Variants in PDZD2 observed in about 807,000 individuals in gnomAD.
PDZD2 encodes the protein PDZ domain containing 2, also known as PDZ domain-containing protein 2.
A neutral mutation model predicts 220.7 loss-of-function variants in PDZD2; 90 were observed. That is an observed-to-expected ratio of 0.41 (90% CI 0.34 to 0.49). The LOEUF is 0.49. Ranked by LOEUF, PDZD2 falls within the 20% of genes least tolerant of loss-of-function variation. The pLI is 0.28. For synonymous variants in PDZD2, 1,375 were observed against 1,450.5 expected (o/e 0.95, Z 1.18); for missense variants, 3,174 against 3,608.5 (o/e 0.88, Z 3.08).
At chr5:32,009,101 T>G (rs995081603) in intron 5 of PDZD2, among the ~76,000 whole-genome samples, 3 of 151,886 alleles carry the variant, frequency 2.0e-5, no homozygotes, top group African/African-American at 7.3e-5. Flanking sequence ...TCTCAGCACT[T>G]TGGGAAGCCA....
chr5:31,671,470 C>A (rs549208753), intron 1 of PDZD2, among the ~76,000 whole-genome samples: 1 of 152,130 alleles, frequency 6.6e-6, no homozygotes, highest in Non-Finnish European at 1.5e-5. Flanking sequence ...TGGTCAGCAT[C>A]AGGACTGGGA....
At chr5:32,015,547 T>C (rs1490624145) in intron 6 of PDZD2, among the ~76,000 whole-genome samples, 1 of 152,204 alleles carries the variant, frequency 6.6e-6, no homozygotes, top group East Asian at 1.9e-4. Flanking sequence ...CCACCTCGCC[T>C]GGCCATGCAG....
At chr5:31,865,954 G>C (rs145284897) in intron 2 of PDZD2, among the ~76,000 whole-genome samples, 5,263 of 149,350 alleles carry the variant, frequency 0.035, 92 homozygotes, top group African/African-American at 0.052. Context: ...TAATCCCCTG[G>C]GTTTACCAGG....
In PDZD2 at chr5:32,089,847, T is replaced by C; in HGVS notation, c.6399T>C (p.Tyr2133=). The C allele has an allele frequency of 6.2e-7, 1 of 1,613,292 alleles. No homozygotes were observed. Among genetic ancestry groups the C allele is most frequent in the Non-Finnish European group, 8.5e-7 (1 of 1,179,426 alleles). The change falls in exon 20 of 25, where the codon TAT becomes TAC. Residue 2133 remains tyrosine, a synonymous_variant. Coordinates refer to ENST00000438447, the MANE Select transcript of PDZD2 (RefSeq NM_178140.4). ...AGGAGAAGAGTGAAATCAGGCTCTA[T>C]CGCCAGGTCGCAGAATCATCCACAA... is the stretch of plus-strand genomic sequence containing the variant. ...NCQEKSEIRL[Y]RQVAESSTSH...
At chr5:32,093,618 A>C (rs1743386012) in intron 21 of PDZD2, among the ~76,000 whole-genome samples, 1 of 152,232 alleles carries the variant, frequency 6.6e-6, no homozygotes. Flanking sequence ...AAGTTTTGTC[A>C]GTTATATGTA....
chr5:31,799,463 AC>A lies in PDZD2; in HGVS notation c.217del (p.Leu73SerfsTer13). 1 of 1,614,082 alleles carries A rather than the reference AC, an allele frequency of 6.2e-7. No homozygotes were observed. Among genetic ancestry groups the A allele is most frequent in the Non-Finnish European group, 8.5e-7 (1 of 1,179,966 alleles). ...SPPEMEICTV[Y>X]LTKELGDTET... is the part of the protein sequence containing the mutation. ...CCCGAAATGGAGATCTGTACTGTGT[AC>A]CTCACCAAGGAGCTGGGGGACACAG... On this transcript the variant is annotated frameshift_variant, in exon 2 of 25. Coordinates refer to ENST00000438447, the MANE Select transcript of PDZD2 (RefSeq NM_178140.4). LOFTEE classifies it high-confidence loss of function.
rs760969764 is a variant in PDZD2 at position 32,037,328 on chromosome 5, A to C, written c.1505A>C (p.Lys502Thr). ...CAGGGCAGCAATAAAATCAAGCTCA[A>C]GAGTCGCCTTTCAGGTAGGTGGGGG... The part of the protein sequence containing the change: ...PKQGSNKIKL[K>T]SRLSGGVHRL... Residue 502 changes from lysine to threonine, a missense_variant, in exon 7 of 25, where the codon AAG becomes ACG. Coordinates refer to ENST00000438447, the MANE Select transcript of PDZD2 (RefSeq NM_178140.4). 1 of 1,607,990 alleles carries C rather than the reference A, an allele frequency of 6.2e-7. No homozygotes were observed.
chr5:31,759,524 G>A (rs1179854226), intron 1 of PDZD2, among the ~76,000 whole-genome samples: 3 of 148,102 alleles, frequency 2.0e-5, no homozygotes, highest in Non-Finnish European at 4.4e-5. Flanking sequence ...TCCTTGCCAA[G>A]GGACTTCTCA....
intron 7 of PDZD2, among the ~76,000 whole-genome samples, chr5:32,045,905 T>C (rs777242048): frequency 6.6e-6 from 1 of 152,176 alleles, no homozygotes; most frequent in Non-Finnish European, 1.5e-5. Context: ...AACTCATCAA[T>C]ACTTTTTAAA....
chr5:31,770,923 G>A (rs1752304350), intron 1 of PDZD2, among the ~76,000 whole-genome samples: 1 of 151,952 alleles, frequency 6.6e-6, no homozygotes, highest in African/African-American at 2.4e-5. Context: ...GTGCCCCTCA[G>A]GTTTTGCAGG....
At chr5:31,724,984 G>A (rs2150150816) in intron 1 of PDZD2, among the ~76,000 whole-genome samples, 1 of 152,190 alleles carries the variant, frequency 6.6e-6, no homozygotes, top group Admixed American at 6.5e-5. Flanking sequence ...GAAATATACA[G>A]AGACACCACA....
Position 32,090,620 on chromosome 5 carries a change from G to T in PDZD2, c.7172G>T (p.Arg2391Met). 6.2e-7 allele frequency: 1 copy of T among 1,614,146 alleles called. No individual in the cohort carries two copies. Among genetic ancestry groups the T allele is most frequent in the Non-Finnish European group, 8.5e-7 (1 of 1,180,030 alleles). The change falls in exon 20 of 25, where the codon AGG becomes ATG. Residue 2391 changes from arginine (R) to methionine (M), a missense_variant. Coordinates refer to ENST00000438447, the MANE Select transcript of PDZD2 (RefSeq NM_178140.4). The surrounding 1 kb of genome is among the most constrained non-coding windows in gnomAD (Gnocchi z 4.3). ...SLGHPGDAAA[R>M]LLRRSLSSCS... ...GGCCACCCAGGTGACGCAGCAGCAAGGTTGTTGAGACGCAGCTTGAGTTCC... is the reference window on the plus strand; with the variant it reads ...GGCCACCCAGGTGACGCAGCAGCAATGTTGTTGAGACGCAGCTTGAGTTCC...
chr5:31,687,096 A>T (rs148912937), intron 1 of PDZD2, among the ~76,000 whole-genome samples: 2 of 47,156 alleles, frequency 4.2e-5, no homozygotes, highest in African/African-American at 1.4e-4. Flanking sequence ...TCATAGATAT[A>T]AAAAAAGTTC....
intron 1 of PDZD2, among the ~76,000 whole-genome samples, chr5:31,797,016 T>C (rs547635421): frequency 2.5e-3 from 369 of 150,192 alleles, no homozygotes; most frequent in Admixed American, 4.5e-3. Context: ...CAAGCTCCGC[T>C]TCCCGGGTTC....
rs551979163 is a variant in PDZD2, at chr5:31,978,949, C to T, written c.477-4206C>T. On this transcript the variant is annotated intron_variant, in intron 2 of 24. Coordinates refer to ENST00000438447, the MANE Select transcript of PDZD2 (RefSeq NM_178140.4). Reference sequence around the variant, plus strand: ...ATGGTGCTGAACTCAAGATAAACTCCTCTTGGCTTTGTCATTTTGCCAAGA... The same window carrying T: ...ATGGTGCTGAACTCAAGATAAACTCTTCTTGGCTTTGTCATTTTGCCAAGA... 3.3e-5 allele frequency among the ~76,000 whole-genome samples: 5 copies of T among 152,138 alleles called. No individual in the cohort carries two copies. The Middle Eastern group carries it at 0.01, about 310-fold the overall frequency.
intron 2 of PDZD2, among the ~76,000 whole-genome samples, chr5:31,815,778 CAT>C (rs1282905214): frequency 6.6e-6 from 1 of 152,166 alleles, no homozygotes; most frequent in Non-Finnish European, 1.5e-5. Context: ...TAAATAATCA[CAT>C]GAACCCTGAA....
At chr5:31,660,144 T>G (rs1476881959) in intron 1 of PDZD2, among the ~76,000 whole-genome samples, 1 of 152,184 alleles carries the variant, frequency 6.6e-6, no homozygotes, top group Admixed American at 6.5e-5. Flanking sequence ...TTCAATAGAT[T>G]GGAATCATCT....
At chr5:32,024,845 G>A (rs1455382170) in intron 6 of PDZD2, among the ~76,000 whole-genome samples, 9 of 152,168 alleles carry the variant, frequency 5.9e-5, no homozygotes, top group African/African-American at 2.2e-4. Flanking sequence ...TGTTTCAACT[G>A]CTCACCTCTG....
intron 7 of PDZD2, among the ~76,000 whole-genome samples, chr5:32,045,464 C>G (rs1328273238): frequency 1.3e-5 from 2 of 151,340 alleles, no homozygotes; most frequent in Admixed American, 1.3e-4. Context: ...CTCTGTTGCC[C>G]AGGCTGGAGT....
Sources: allele counts gnomAD v4.1 joint callset (sites outside exome capture counted in the v4.1 genomes callset), GRCh38; gene constraint gnomAD v4.1.1; non-coding constraint Gnocchi (gnomAD v3.1); transcripts MANE v1.5; gene names NCBI Gene and HGNC (gene_info 2026-07-23, HGNC 2026-07-21).